Variants in DTNBP1 observed in about 807,000 individuals in gnomAD.
DTNBP1 encodes dystrobrevin binding protein 1, also known as dysbindin.
In DTNBP1, 35 loss-of-function variants were observed where a neutral mutation model predicts 42.8. The observed-to-expected ratio is 0.82, with a 90% CI of 0.63 to 1.09. DTNBP1 has a LOEUF of 1.09. Among genes scored for constraint, DTNBP1 ranks in the 50% least tolerant of loss-of-function variants. The pLI is 0.00. For synonymous variants in DTNBP1, 171 were observed against 162.2 expected (o/e 1.05, Z -0.41); for missense variants, 457 against 424.2 (o/e 1.08, Z -0.68).
At chr6:15,541,807 TA>T (rs919820236) in intron 7 of DTNBP1, among the ~76,000 whole-genome samples, 1 of 151,948 alleles carries the variant, frequency 6.6e-6, no homozygotes, top group Non-Finnish European at 1.5e-5. Context: ...TATATGAAAT[TA>T]AAAAAAACCA....
At chr6:15,590,575 A>G (rs991153842) in intron 7 of DTNBP1, among the ~76,000 whole-genome samples, 9 of 152,226 alleles carry the variant, frequency 5.9e-5, no homozygotes, top group African/African-American at 2.2e-4. Flanking sequence ...TTCCTTCCCC[A>G]TTAAAAATAT....
intron 1 of DTNBP1, among the ~76,000 whole-genome samples, chr6:15,658,136 T>C (rs1761387227): frequency 6.6e-6 from 1 of 152,212 alleles, no homozygotes; most frequent in South Asian, 2.1e-4. Flanking sequence ...AGACATTGTT[T>C]AGGAAAGACT....
intron 7 of DTNBP1, among the ~76,000 whole-genome samples, chr6:15,581,477 T>TC (rs1775831150): frequency 1.0e-5 from 1 of 100,448 alleles, no homozygotes; most frequent in African/African-American, 3.5e-5. Flanking sequence ...CGCGCCCGAC[T>TC]GTTTTTTTTT....
chr6:15,540,017 A>C (rs1352141450), intron 7 of DTNBP1, among the ~76,000 whole-genome samples: 1 of 152,212 alleles, frequency 6.6e-6, no homozygotes, highest in Non-Finnish European at 1.5e-5. Context: ...AGCTAATATT[A>C]ATACCAGCAT....
chr6:15,555,736 T>G (rs1774478913), intron 7 of DTNBP1, among the ~76,000 whole-genome samples: 1 of 152,194 alleles, frequency 6.6e-6, no homozygotes. Context: ...GTCTACCCCT[T>G]GTTTAGCATA....
At chr6:15,534,324 T>C (rs1773077536) in intron 7 of DTNBP1, among the ~76,000 whole-genome samples, 1 of 152,154 alleles carries the variant, frequency 6.6e-6, no homozygotes, top group South Asian at 2.1e-4. Flanking sequence ...ACACATAAAA[T>C]GGTAAATTTT....
chr6:15,602,156 A>AT lies in DTNBP1; in HGVS notation c.489-9076dup, dbSNP rs573045962. 1.3e-3 allele frequency among the ~76,000 whole-genome samples: 195 copies of AT among 151,358 alleles called. 1 individual carries two copies. The South Asian group carries it at 0.034, about 27-fold the overall frequency. ...ATTCCTTTGAAACAATTATAGTGCC[A>AT]TTTTTTTTTCTGAGCCAGAATGAAA... On this transcript the variant is annotated intron_variant, in intron 6 of 9. Transcript: ENST00000344537.
chr6:15,591,864 G>C (rs924601652), intron 7 of DTNBP1, among the ~76,000 whole-genome samples: 2 of 152,034 alleles, frequency 1.3e-5, no homozygotes, highest in Admixed American at 6.5e-5. Flanking sequence ...AGAAGGAAAA[G>C]GCATTTTATA....
intron 6 of DTNBP1, chr6:15,615,004 G>T: frequency 3.7e-6 from 2 of 547,774 alleles, no homozygotes; most frequent in Middle Eastern, 5.7e-4. Flanking sequence ...CTCCTATTTT[G>T]CTGGAAAACT....
rs974810335 is a variant in DTNBP1 at position 15,523,142 on chromosome 6, A to G, written c.889T>C (p.Ser297Pro). Residue 297 changes from serine (S) to proline (P), a missense_variant, in exon 10 of 10, where the codon TCT becomes CCT. Coordinates refer to ENST00000344537, the MANE Select transcript of DTNBP1 (RefSeq NM_032122.5). Reference sequence around the variant, plus strand: ...GAGTCGGTGCAGGTGGAGGAAGAAGAAGGTGGCTTGGCTCTTAATTCTGAG... The same window carrying G: ...GAGTCGGTGCAGGTGGAGGAAGAAGGAGGTGGCTTGGCTCTTAATTCTGAG... ...NPSELRAKPPSSSSTCTDSAT... is the reference protein window; with the variant it reads ...NPSELRAKPPPSSSTCTDSAT... The G allele has an allele frequency of 5.0e-6, 8 of 1,614,226 alleles. No homozygotes were observed. The highest frequency in any genetic ancestry group is 1.6e-4 in the Middle Eastern group (1 of 6,062).
At chr6:15,548,873 G>A (rs2113400320) in intron 7 of DTNBP1, among the ~76,000 whole-genome samples, 1 of 152,218 alleles carries the variant, frequency 6.6e-6, no homozygotes, top group Middle Eastern at 3.4e-3. Flanking sequence ...TTTGGGTTTT[G>A]TTATTTGTTT....
intron 7 of DTNBP1, among the ~76,000 whole-genome samples, chr6:15,542,640 G>A (rs1208206889): frequency 1.3e-5 from 2 of 152,004 alleles, no homozygotes; most frequent in Non-Finnish European, 2.9e-5. Flanking sequence ...AAAGTGCTAG[G>A]ATTACAGGTG....
chr6:15,523,141 G>C lies in DTNBP1; in HGVS notation c.890C>G (p.Ser297Cys). Residue 297 changes from serine (S) to cysteine (C), a missense_variant, in exon 10 of 10, where the codon TCT becomes TGT. By Grantham distance (112) the Ser-to-Cys change is moderately radical. Coordinates refer to ENST00000344537, the MANE Select transcript of DTNBP1 (RefSeq NM_032122.5). Reference protein sequence around the residue: ...NPSELRAKPPSSSSTCTDSAT... With the variant: ...NPSELRAKPPCSSSTCTDSAT... ...CGAGTCGGTGCAGGTGGAGGAAGAA[G>C]AAGGTGGCTTGGCTCTTAATTCTGA... 2 of 1,614,266 alleles carry C rather than the reference G, an allele frequency of 1.2e-6. No homozygotes were observed. The highest frequency in any genetic ancestry group is 1.7e-5 in the Admixed American group (1 of 60,036).
chr6:15,533,153 C>T, intron 8 of DTNBP1, 87 bp downstream of exon 8: 1 of 1,586,822 alleles, frequency 6.3e-7, no homozygotes, highest in Admixed American at 1.7e-5. Flanking sequence ...GAGGATTCTG[C>T]CCCATGCCCT....
At chr6:15,590,844 T>C (rs1776270101) in intron 7 of DTNBP1, among the ~76,000 whole-genome samples, 1 of 152,178 alleles carries the variant, frequency 6.6e-6, no homozygotes, top group Non-Finnish European at 1.5e-5. Context: ...TTAATCTACA[T>C]TACTAACTTT....
chr6:15,526,406 A>T (rs1015777873), intron 8 of DTNBP1, among the ~76,000 whole-genome samples: 1 of 152,382 alleles, frequency 6.6e-6, no homozygotes, highest in Non-Finnish European at 1.5e-5. Context: ...TTGCGGCTTC[A>T]TCTGGGAGGA....
chr6:15,617,086 G>A (rs886445080), intron 5 of DTNBP1, among the ~76,000 whole-genome samples: 1 of 152,114 alleles, frequency 6.6e-6, no homozygotes, highest in African/African-American at 2.4e-5. Flanking sequence ...AAAGAGCCAG[G>A]TGTGGTGGCT....
At chr6:15,642,319 G>A (rs1760415275) in intron 3 of DTNBP1, among the ~76,000 whole-genome samples, 1 of 152,088 alleles carries the variant, frequency 6.6e-6, no homozygotes, top group South Asian at 2.1e-4. Flanking sequence ...TTGTGACAGG[G>A]GCATGATAGG....
rs562117831 is a variant in DTNBP1, at chr6:15,566,649, A to G, written c.511+26410T>C. ...TGTTTCTTTGGCATATTTTGAAATG[A>G]CCCTGCAAAGCTACCTTTTGTGGGG... On this transcript the variant is annotated intron_variant, in intron 7 of 9. Coordinates refer to ENST00000344537, the MANE Select transcript of DTNBP1 (RefSeq NM_032122.5). Among the ~76,000 whole-genome samples the G allele has an allele frequency of 2.0e-5, 3 of 150,078 alleles. No individual in the cohort carries two copies. In the South Asian group the frequency reaches 6.4e-4, roughly 32 times the overall value.
Sources: allele counts gnomAD v4.1 joint callset (sites outside exome capture counted in the v4.1 genomes callset), GRCh38; gene constraint gnomAD v4.1.1; transcripts MANE v1.5; gene names NCBI Gene and HGNC (gene_info 2026-07-23, HGNC 2026-07-21).